The following MSRB3 variants were observed in gnomAD, a reference collection of about 807,000 sequenced individuals.
The protein encoded by MSRB3 is methionine sulfoxide reductase B3.
In MSRB3, 13 loss-of-function variants were observed where a neutral mutation model predicts 21.0. That is an observed-to-expected ratio of 0.62 (90% CI 0.40 to 0.98). The LOEUF is 0.98. MSRB3 is among the 50% of genes least tolerant of loss of function. MSRB3 has a pLI of 0.00. For synonymous variants in MSRB3, 87 were observed against 88.6 expected (o/e 0.98, Z 0.10); for missense variants, 199 against 230.3 (o/e 0.86, Z 0.88).
At chr12:65,333,628 T>C (rs1227137877) in intron 4 of MSRB3, among the ~76,000 whole-genome samples, 2 of 152,216 alleles carry the variant, frequency 1.3e-5, no homozygotes, top group Non-Finnish European at 2.9e-5. Flanking sequence ...TCTAAATTCC[T>C]ACTAGAAATC....
At chr12:65,441,110 A>G (rs1565893574) in intron 5 of MSRB3, among the ~76,000 whole-genome samples, 1 of 151,910 alleles carries the variant, frequency 6.6e-6, no homozygotes, top group Non-Finnish European at 1.5e-5. Context: ...TGTCTTTGCC[A>G]AATTTATCCG....
rs1222836072 is a variant in MSRB3 at position 65,430,829 on chromosome 12, A to G, written c.293-22899A>G. ...GTTCTAGTTTTTAAAAATGGATGTG[A>G]AATTTTGCTTAGAATCCTAGAAGTT... On this transcript the variant is annotated intron_variant, in intron 5 of 6. Coordinates refer to ENST00000308259, the MANE Select transcript of MSRB3 (RefSeq NM_001031679.3). 1.3e-5 allele frequency among the ~76,000 whole-genome samples: 2 copies of G among 152,082 alleles called. 1 individual carries two copies. The highest frequency in any genetic ancestry group is 3.8e-4 in the East Asian group (2 of 5,198).
chr12:65,415,309 G>A (rs1045939204), intron 5 of MSRB3, among the ~76,000 whole-genome samples: 4 of 152,186 alleles, frequency 2.6e-5, no homozygotes, highest in Non-Finnish European at 5.9e-5. Context: ...TCTCAGGAGA[G>A]GAATTTCTTT....
At chr12:65,289,289 G>C (rs940914769) in intron 1 of MSRB3, among the ~76,000 whole-genome samples, 1 of 152,118 alleles carries the variant, frequency 6.6e-6, no homozygotes, top group African/African-American at 2.4e-5. Flanking sequence ...GAGGTCAGGA[G>C]TTCGAGGCTA....
At chr12:65,366,388 G>A (rs1878017114) in intron 4 of MSRB3, among the ~76,000 whole-genome samples, 1 of 152,116 alleles carries the variant, frequency 6.6e-6, no homozygotes, top group Non-Finnish European at 1.5e-5. Flanking sequence ...AGGCCATTTG[G>A]GTAGAGAATG....
intron 1 of MSRB3, among the ~76,000 whole-genome samples, chr12:65,304,127 A>G (rs1592505573): frequency 6.6e-6 from 1 of 152,254 alleles, no homozygotes; most frequent in African/African-American, 2.4e-5. Context: ...ATGATGAGAA[A>G]CATTTCAGAG....
chr12:65,420,164 C>A, intron 5 of MSRB3: 1 of 295,518 alleles, frequency 3.4e-6, no homozygotes. Flanking sequence ...AGAGAATATC[C>A]TTTCCTCATT....
In MSRB3 at chr12:65,356,564, A is replaced by G. The variant is rs118032530; in HGVS notation, c.264-12434A>G. On this transcript the variant is annotated intron_variant, in intron 4 of 6. Coordinates refer to ENST00000308259, the MANE Select transcript of MSRB3 (RefSeq NM_001031679.3). ...TTGTGGGATTTTGGTGAGGGGACAT[A>G]TTTTACTTCCTCATTAGGCAAAAAG... 2.0e-5 allele frequency among the ~76,000 whole-genome samples: 3 copies of G among 151,978 alleles called. No homozygotes were observed. In the East Asian group the frequency reaches 5.8e-4, roughly 30 times the overall value.
intron 4 of MSRB3, among the ~76,000 whole-genome samples, chr12:65,338,148 G>A (rs565484905): frequency 1.3e-5 from 2 of 152,230 alleles, no homozygotes; most frequent in Middle Eastern, 3.4e-3. Context: ...ACTTGGTACT[G>A]GATTCCCATA....
chr12:65,283,591 C>T (rs1872169895), intron 1 of MSRB3: 1 of 152,172 alleles, frequency 6.6e-6, no homozygotes, highest in Non-Finnish European at 1.5e-5. Context: ...GCCACCATGC[C>T]CAGCTAATTG....
intron 6 of MSRB3, among the ~76,000 whole-genome samples, chr12:65,454,461 G>A (rs1883003218): frequency 6.6e-6 from 1 of 152,124 alleles, no homozygotes; most frequent in Admixed American, 6.5e-5. Context: ...ATGTGGCTTT[G>A]AATAACCTGA....
chr12:65,412,563 C>A (rs1880770927), intron 5 of MSRB3, among the ~76,000 whole-genome samples: 3 of 152,120 alleles, frequency 2.0e-5, no homozygotes, highest in Admixed American at 6.5e-5. Flanking sequence ...ATTGTACCCC[C>A]TGGATAATAC....
intron 5 of MSRB3, among the ~76,000 whole-genome samples, chr12:65,431,561 TG>T (rs1276457118): frequency 1.3e-5 from 2 of 152,048 alleles, no homozygotes; most frequent in Non-Finnish European, 2.9e-5. Context: ...CGATGAGAAA[TG>T]TCTTCAGATA....
chr12:65,287,809 C>T (rs1345678768), intron 1 of MSRB3, among the ~76,000 whole-genome samples: 1 of 152,106 alleles, frequency 6.6e-6, no homozygotes, highest in Non-Finnish European at 1.5e-5. Flanking sequence ...AAATTATAGG[C>T]TCATTTACAT....
chr12:65,378,312 A>G (rs1298541628), intron 5 of MSRB3, among the ~76,000 whole-genome samples: 4 of 152,222 alleles, frequency 2.6e-5, no homozygotes, highest in African/African-American at 9.6e-5. Flanking sequence ...CAAGCCTATC[A>G]GCTACATATT....
chr12:65,315,297 A>G (rs966388838), intron 2 of MSRB3, among the ~76,000 whole-genome samples: 1 of 152,122 alleles, frequency 6.6e-6, no homozygotes, highest in Non-Finnish European at 1.5e-5. Flanking sequence ...ATTTATTTCA[A>G]TTTCCTATAT....
At chr12:65,346,163 G>A (rs1876489078) in intron 4 of MSRB3, among the ~76,000 whole-genome samples, 1 of 152,146 alleles carries the variant, frequency 6.6e-6, no homozygotes, top group South Asian at 2.1e-4. Flanking sequence ...TCGCCACACT[G>A]ACTTCCACAA....
rs998970674 is a variant in MSRB3, at chr12:65,318,503, T to A, written c.77-8323T>A. ...GAATGGAAATGAGCCTGTCTGTTTT[T>A]AATTTTTTTTTATGGGCTATGATGT... On this transcript the variant is annotated intron_variant, in intron 2 of 6. Transcript: ENST00000308259. 2.6e-5 allele frequency among the ~76,000 whole-genome samples: 4 copies of A among 152,278 alleles called. No homozygotes were observed. In the East Asian group the frequency reaches 7.7e-4, roughly 29 times the overall value.
At chr12:65,379,847 C>T (rs1184373580) in intron 5 of MSRB3, among the ~76,000 whole-genome samples, 1 of 152,094 alleles carries the variant, frequency 6.6e-6, no homozygotes, top group Admixed American at 6.5e-5. Flanking sequence ...AGTGTGTAGG[C>T]ATTTTTACTT....
Sources: allele counts gnomAD v4.1 joint callset (sites outside exome capture counted in the v4.1 genomes callset), GRCh38; gene constraint gnomAD v4.1.1; transcripts MANE v1.5; gene names NCBI Gene and HGNC (gene_info 2026-07-23, HGNC 2026-07-21).